The following NFIA variants were observed in gnomAD, a reference collection of about 807,000 sequenced individuals.
The protein encoded by NFIA is nuclear factor I A.
In NFIA, 8 loss-of-function variants were observed where a neutral mutation model predicts 62.8. The observed-to-expected ratio is 0.13, with a 90% CI of 0.07 to 0.23. The LOEUF (loss-of-function observed/expected upper bound fraction) is 0.23. Among genes scored for constraint, NFIA ranks in the 10% least tolerant of loss-of-function variants. The pLI is 1.00. For missense variants in NFIA, 410 were observed against 642.1 expected, an observed-to-expected ratio of 0.64 and a Z score of 3.91; for synonymous variants, 235 against 238.1, an observed-to-expected ratio of 0.99 and a Z score of 0.12.
chr1:61,265,823 C>G (rs1046092580), intron 2 of NFIA, among the ~76,000 whole-genome samples: 1 of 152,146 alleles, frequency 6.6e-6, no homozygotes, highest in Non-Finnish European at 1.5e-5. Flanking sequence ...CTTCTGTGGT[C>G]AGGGGTTAGC....
At chr1:61,342,629 G>T (rs1309921952) in intron 4 of NFIA, among the ~76,000 whole-genome samples, 1 of 152,238 alleles carries the variant, frequency 6.6e-6, no homozygotes, top group African/African-American at 2.4e-5. Context: ...CGCTTATAAA[G>T]TTTAAGACCT....
At chr1:61,373,012 T>TA (rs932499474) in intron 6 of NFIA, among the ~76,000 whole-genome samples, 3 of 152,178 alleles carry the variant, frequency 2.0e-5, no homozygotes, top group African/African-American at 7.2e-5. Context: ...GCACTACCTT[T>TA]AAAAAAATTC....
At chr1:61,294,794 G>T (rs1199371986) in intron 3 of NFIA, among the ~76,000 whole-genome samples, 7 of 152,190 alleles carry the variant, frequency 4.6e-5, no homozygotes, top group Non-Finnish European at 7.3e-5. Context: ...TGCAGTGTGT[G>T]CAGTGTGAGC....
intron 3 of NFIA, among the ~76,000 whole-genome samples, chr1:61,285,998 T>C (rs1658465644): frequency 6.6e-6 from 1 of 152,188 alleles, no homozygotes; most frequent in Non-Finnish European, 1.5e-5. Flanking sequence ...AGCTTCCGAA[T>C]AGGTCAAATT....
At chr1:61,375,002 C>G (rs1185817196) in intron 6 of NFIA, among the ~76,000 whole-genome samples, 1 of 152,190 alleles carries the variant, frequency 6.6e-6, no homozygotes, top group Non-Finnish European at 1.5e-5. Flanking sequence ...TCTTCAACGA[C>G]CTCCTTGTAT....
At chr1:61,443,366 T>C (rs952942389) in intron 10 of NFIA, among the ~76,000 whole-genome samples, 1 of 152,170 alleles carries the variant, frequency 6.6e-6, no homozygotes, top group Admixed American at 6.5e-5. Context: ...GTGGTCTTCA[T>C]CCTTTCTTAG....
At chr1:61,416,780 AT>A (rs1174864905) in intron 9 of NFIA, among the ~76,000 whole-genome samples, 1 of 152,162 alleles carries the variant, frequency 6.6e-6, no homozygotes, top group Non-Finnish European at 1.5e-5. Context: ...TTTAAAGAAG[AT>A]GAAACGGAGC....
chr1:61,450,889 C>T (rs1439861156), intron 10 of NFIA, among the ~76,000 whole-genome samples: 1 of 152,124 alleles, frequency 6.6e-6, no homozygotes, highest in Non-Finnish European at 1.5e-5. Flanking sequence ...TTTTCTTTTT[C>T]CTCTAGAATG....
intron 3 of NFIA, among the ~76,000 whole-genome samples, chr1:61,321,466 C>T (rs1347471168): frequency 4.0e-5 from 6 of 151,218 alleles, no homozygotes; most frequent in African/African-American, 1.2e-4. Flanking sequence ...GAAGGAAGGA[C>T]GGAAGGATAT....
intron 2 of NFIA, among the ~76,000 whole-genome samples, chr1:61,205,996 A>ACCCTGACCTC (rs1192431330): frequency 4.2e-5 from 6 of 143,614 alleles, no homozygotes; most frequent in Admixed American, 1.5e-4. Flanking sequence ...GGCTCACTAC[A>ACCCTGACCTC]CCCTGACCTC....
intron 2 of NFIA, among the ~76,000 whole-genome samples, chr1:61,116,642 T>A (rs939795105): frequency 1.6e-4 from 25 of 152,226 alleles, no homozygotes; most frequent in African/African-American, 6.0e-4. Flanking sequence ...CGTATAGTCA[T>A]CAGACTCTAG....
chr1:61,279,540 T>G (rs1439524297), intron 3 of NFIA, among the ~76,000 whole-genome samples: 2 of 152,212 alleles, frequency 1.3e-5, no homozygotes, highest in Non-Finnish European at 2.9e-5. Flanking sequence ...GTAGGTGATG[T>G]CTTCAAAGTT....
intron 2 of NFIA, among the ~76,000 whole-genome samples, chr1:61,094,037 A>AAAT (rs1454721506): frequency 9.2e-5 from 14 of 152,338 alleles, no homozygotes; most frequent in Middle Eastern, 3.4e-3. Flanking sequence ...CTAATTGCTC[A>AAAT]CAAATGTCAA....
At chr1:61,352,696 C>G (rs989576121) in intron 5 of NFIA, 129 bp downstream of exon 5, 2 of 779,934 alleles carry the variant, frequency 2.6e-6, no homozygotes, top group Non-Finnish European at 4.3e-6. Flanking sequence ...TGGGTTCAGC[C>G]CCAAAAGACT....
chr1:61,397,910 T>G (rs112120124), intron 7 of NFIA, among the ~76,000 whole-genome samples: 140 of 152,162 alleles, frequency 9.2e-4, no homozygotes, highest in Middle Eastern at 6.8e-3. Context: ...CAATCAAAAG[T>G]CTACCGTGGA....
At chr1:61,110,517 C>G (rs1220482268) in intron 2 of NFIA, among the ~76,000 whole-genome samples, 1 of 151,896 alleles carries the variant, frequency 6.6e-6, no homozygotes, top group Non-Finnish European at 1.5e-5. Flanking sequence ...TTTTAAAATT[C>G]AGTTGTCTTA....
At chr1:61,093,492 G>A (rs143774998) in intron 2 of NFIA, among the ~76,000 whole-genome samples, 15 of 152,114 alleles carry the variant, frequency 9.9e-5, no homozygotes, top group African/African-American at 3.6e-4. Flanking sequence ...TTGATATATG[G>A]CATATTTTTA....
Position 61,130,884 on chromosome 1 carries a change from C to T in NFIA, c.559+42204C>T, listed in dbSNP as rs17121650. ...ATTTTAAGTGGTTCTACTAAAATAC[C>T]CATTAAAGTCCTTTACATTTCTCAC... On this transcript the variant is annotated intron_variant, in intron 2 of 10. Coordinates refer to ENST00000403491, the MANE Select transcript of NFIA (RefSeq NM_001134673.4). Among the ~76,000 whole-genome samples the T allele has an allele frequency of 0.013, 1,912 of 152,256 alleles. 106 individuals carry two copies. The East Asian group carries it at 0.18, about 14-fold the overall frequency.
In NFIA at chr1:61,460,191, T is replaced by G. The variant is rs1304329150; in HGVS notation, c.*4871T>G. ...GAAGTCAATGCATGTATTTACTGTT[T>G]GACAGTAAACCCGCTCTGCCTTCTC... On this transcript the variant is annotated 3_prime_UTR_variant, in exon 11 of 11. Coordinates refer to ENST00000403491, the MANE Select transcript of NFIA (RefSeq NM_001134673.4). The G allele has an allele frequency of 6.6e-6, 1 of 152,218 alleles. No homozygotes were observed. 9.4% of individuals were successfully genotyped at this position (152,218 alleles called of 1,614,324 possible).
Sources: allele counts gnomAD v4.1 joint callset (sites outside exome capture counted in the v4.1 genomes callset), GRCh38; gene constraint gnomAD v4.1.1; transcripts MANE v1.5; gene names NCBI Gene and HGNC (gene_info 2026-07-23, HGNC 2026-07-21).